RALYL: variants seen among roughly 807,000 people sequenced by gnomAD.
RALYL encodes RNA-binding Raly-like protein.
Under a neutral mutation model 35.1 loss-of-function variants are expected in RALYL, and 29 were observed. The ratio of observed to expected loss-of-function variants is 0.83; its 90% CI spans 0.61 to 1.13. The LOEUF (loss-of-function observed/expected upper bound fraction) is 1.13, where lower values mean the gene tolerates loss of function less well. Ranked by LOEUF, RALYL falls within the 50% of genes most tolerant of loss-of-function variation. The pLI, the probability that RALYL is intolerant of heterozygous loss-of-function variation, is 0.00. For missense variants in RALYL, 359 were observed against 360.4 expected (o/e 1.00, Z 0.03); for synonymous variants, 120 against 127.6 (o/e 0.94, Z 0.40).
intron 2 of RALYL, among the ~76,000 whole-genome samples, chr8:84,692,446 T>C (rs748955127): frequency 6.6e-6 from 1 of 151,988 alleles, no homozygotes. Flanking sequence ...GCTTTTACAA[T>C]TCTAATGTTT....
Position 84,396,631 on chromosome 8 carries a change from A to T in RALYL, c.-23-132668A>T, listed in dbSNP as rs1861811542. ...AGTTAATTAAAGAAAATTAATGAAA[A>T]TTCCTTTGATATAAATACTTAGGTC... On this transcript the variant is annotated intron_variant, in intron 1 of 8. Transcript: ENST00000521268. Among the ~76,000 whole-genome samples the T allele has an allele frequency of 2.0e-5, 3 of 152,112 alleles. No homozygotes were observed. The South Asian group carries it at 6.2e-4, about 31-fold the overall frequency.
chr8:84,509,300 T>C (rs2057416832), intron 1 of RALYL, among the ~76,000 whole-genome samples: 1 of 152,168 alleles, frequency 6.6e-6, no homozygotes. Flanking sequence ...AGAAGAATCT[T>C]CTGAGAATGA....
intron 1 of RALYL, chr8:84,184,727 GCCGGCCGGGCACTA>G (rs1585991163): frequency 2.6e-6 from 1 of 386,478 alleles, no homozygotes; most frequent in East Asian, 4.0e-5. Context: ...TGCGGGCCGC[GCCGGCCGGGCACTA>G]GGCGGCCGGC....
At chr8:84,844,355 A>G (rs1302820110) in intron 4 of RALYL, among the ~76,000 whole-genome samples, 1 of 152,196 alleles carries the variant, frequency 6.6e-6, no homozygotes, top group Non-Finnish European at 1.5e-5. Flanking sequence ...GCATCCAAAA[A>G]ACACATGAAA....
chr8:84,772,469 G>T (rs754028059), intron 2 of RALYL, among the ~76,000 whole-genome samples: 1 of 151,256 alleles, frequency 6.6e-6, no homozygotes, highest in Non-Finnish European at 1.5e-5. Context: ...ATTATATTGA[G>T]TCTTCTAATT....
At chr8:84,845,012 A>G (rs556306416) in intron 4 of RALYL, among the ~76,000 whole-genome samples, 180 of 152,282 alleles carry the variant, frequency 1.2e-3, no homozygotes, top group Non-Finnish European at 2.0e-3. Flanking sequence ...AGATATACCT[A>G]ATGTTAAATG....
rs1053647755 is a variant in RALYL, at chr8:84,342,295, T to TATATAA, written c.-24+157872_-24+157873insTATAAA. 7.5e-5 allele frequency among the ~76,000 whole-genome samples: 9 copies of TATATAA among 119,676 alleles called. 2 individuals are homozygous for TATATAA. Among genetic ancestry groups the TATATAA allele is most frequent in the African/African-American group, 2.6e-4 (7 of 26,618 alleles). The allele number at this position is 119,676 out of a possible 152,430, so 78.5% of individuals were successfully genotyped here. On this transcript the variant is annotated intron_variant, in intron 1 of 8. Transcript: ENST00000521268. ...ATCGTTCAATATATATATATATATA[T>TATATAA]AAAACTCAAAAAGTGTGGTCCTCCC... is the stretch of plus-strand genomic sequence containing the variant.
chr8:84,339,477 C>T (rs1394302745), intron 1 of RALYL, among the ~76,000 whole-genome samples: 1 of 151,798 alleles, frequency 6.6e-6, no homozygotes, highest in African/African-American at 2.4e-5. Context: ...GTCATTGTCT[C>T]CCAGATGGGA....
At chr8:84,320,923 T>A (rs186182937) in intron 1 of RALYL, among the ~76,000 whole-genome samples, 86 of 152,124 alleles carry the variant, frequency 5.7e-4, no homozygotes, top group Non-Finnish European at 8.8e-5. Context: ...TTTCCTGTCA[T>A]GAAAGTAATT....
intron 6 of RALYL, among the ~76,000 whole-genome samples, chr8:84,868,520 C>T (rs1249975698): frequency 2.0e-5 from 3 of 152,170 alleles, no homozygotes; most frequent in Admixed American, 2.0e-4. Context: ...AAACACATTA[C>T]TTAACTTCTC....
intron 1 of RALYL, among the ~76,000 whole-genome samples, chr8:84,237,626 G>C (rs917116068): frequency 6.6e-6 from 1 of 152,022 alleles, no homozygotes; most frequent in Non-Finnish European, 1.5e-5. Context: ...CAATTTTCTT[G>C]TTATTGAAGA....
chr8:84,822,199 C>T (rs1828691000), intron 4 of RALYL, among the ~76,000 whole-genome samples: 1 of 152,016 alleles, frequency 6.6e-6, no homozygotes, highest in Non-Finnish European at 1.5e-5. Flanking sequence ...TCTTGAAAGC[C>T]TTTTTAAAAG....
At chr8:84,917,114 C>T (rs894892878) in intron 8 of RALYL, among the ~76,000 whole-genome samples, 3 of 152,098 alleles carry the variant, frequency 2.0e-5, no homozygotes, top group Admixed American at 2.0e-4. Context: ...GCCTTTTTAT[C>T]TTTCCATTTC....
At chr8:84,909,225 G>A (rs1847091344) in intron 8 of RALYL, among the ~76,000 whole-genome samples, 1 of 152,124 alleles carries the variant, frequency 6.6e-6, no homozygotes, top group African/African-American at 2.4e-5. Flanking sequence ...CATAAATACT[G>A]TATACACATT....
intron 1 of RALYL, among the ~76,000 whole-genome samples, chr8:84,382,272 A>T: frequency 6.6e-6 from 1 of 151,136 alleles, no homozygotes. Context: ...TTTTATTAAA[A>T]TGTAACCAAA....
At chr8:84,611,468 C>G (rs1383109537) in intron 2 of RALYL, among the ~76,000 whole-genome samples, 1 of 151,986 alleles carries the variant, frequency 6.6e-6, no homozygotes, top group Admixed American at 6.6e-5. Context: ...GCTCTGATAA[C>G]CATTATAATT....
intron 1 of RALYL, among the ~76,000 whole-genome samples, chr8:84,193,147 G>C (rs1387172323): frequency 2.0e-5 from 3 of 151,986 alleles, no homozygotes; most frequent in Non-Finnish European, 4.4e-5. Flanking sequence ...GGATCTTGAA[G>C]ATATGGAGAC....
intron 1 of RALYL, among the ~76,000 whole-genome samples, chr8:84,233,155 A>ATT (rs112896696): frequency 0.06 from 9,083 of 151,656 alleles, 310 homozygotes; most frequent in Middle Eastern, 0.099. Context: ...AATAATTTTT[A>ATT]TTGTTTTTTT....
intron 2 of RALYL, among the ~76,000 whole-genome samples, chr8:84,605,689 G>T (rs139560301): frequency 3.5e-4 from 54 of 152,160 alleles, no homozygotes; most frequent in African/African-American, 1.2e-3. Flanking sequence ...AGTGCCATGG[G>T]CATGCCCTGT....
Sources: gnomAD v4.1 joint callset for allele counts (sites outside exome capture counted in the v4.1 genomes callset) on GRCh38, gnomAD v4.1.1 for gene constraint, MANE v1.5 for transcripts, NCBI Gene and HGNC (gene_info 2026-07-23, HGNC 2026-07-21) for gene names.